MFN2: variants seen among roughly 807,000 people sequenced by gnomAD.
The protein encoded by MFN2 is mitofusin 2.
Under a neutral mutation model 87.5 loss-of-function variants are expected in MFN2, and 43 were observed. The observed-to-expected ratio is 0.49, with a 90% confidence interval of 0.38 to 0.63. The LOEUF (loss-of-function observed/expected upper bound fraction) is 0.63. MFN2 is among the 30% of genes least tolerant of loss of function. The pLI, the probability that MFN2 is intolerant of heterozygous loss-of-function variation, is 0.00. For synonymous variants in MFN2, 337 were observed against 359.9 expected (o/e 0.94, Z 0.72); for missense variants, 743 against 972.8 (o/e 0.76, Z 3.14).
chr1:11,996,845 C>T (rs1638928697), intron 5 of MFN2, among the ~76,000 whole-genome samples: 1 of 152,118 alleles, frequency 6.6e-6, no homozygotes, highest in South Asian at 2.1e-4. Context: ...CAAGACCAGC[C>T]TGGCCAACAT....
intron 4 of MFN2, among the ~76,000 whole-genome samples, chr1:11,994,612 G>GAAAA (rs1638832776): frequency 6.6e-6 from 1 of 151,976 alleles, no homozygotes; most frequent in South Asian, 2.1e-4. Context: ...TCTAATACAA[G>GAAAA]AAAAAAGGCA....
rs1639263187 is a variant in MFN2, at chr1:12,003,442, A to C, written c.1161-550A>C. Among the ~76,000 whole-genome samples the C allele has an allele frequency of 6.6e-6, 1 of 152,244 alleles. No homozygotes were observed. The highest frequency in any genetic ancestry group is 2.1e-4 in the South Asian group (1 of 4,836). ...CACTTTGGGAGGCCAAGGCGGATGG[A>C]TCACCTGAGGTCAGGAGTTCAAGAC... On this transcript the variant is annotated intron_variant, in intron 11 of 18. Transcript: ENST00000235329. This position sits in a 1 kb window ranked among gnomAD's most constrained non-coding sequence, Gnocchi z 4.1.
rs1355174892 is a variant in MFN2, at chr1:12,003,164, T to A, written c.1161-828T>A. 1.3e-5 allele frequency among the ~76,000 whole-genome samples: 2 copies of A among 151,990 alleles called. No individual in the cohort carries two copies. The highest frequency in any genetic ancestry group is 4.8e-5 in the African/African-American group (2 of 41,418). ...TTGTGCACCTTTTTAAGAGTCTTCC[T>A]GGGGTGAGTTCCTAGGGGTGTGGCA... On this transcript the variant is annotated intron_variant, in intron 11 of 18. Transcript: ENST00000235329. This position sits in a 1 kb window ranked among gnomAD's most constrained non-coding sequence, Gnocchi z 4.1.
rs917178091 is a variant in MFN2 at position 12,003,156 on chromosome 1, A to C, written c.1161-836A>C. On this transcript the variant is annotated intron_variant, in intron 11 of 18. Transcript: ENST00000235329. This position sits in a 1 kb window ranked among gnomAD's most constrained non-coding sequence, Gnocchi z 4.1. Reference sequence around the variant, plus strand: ...GTGTCCCCTTGTGCACCTTTTTAAGAGTCTTCCTGGGGTGAGTTCCTAGGG... The same window carrying C: ...GTGTCCCCTTGTGCACCTTTTTAAGCGTCTTCCTGGGGTGAGTTCCTAGGG... 2.0e-5 allele frequency among the ~76,000 whole-genome samples: 3 copies of C among 151,980 alleles called. No individual in the cohort carries two copies. The highest frequency in any genetic ancestry group is 7.3e-5 in the African/African-American group (3 of 41,358).
At position 11,984,859 on chromosome 1, in the gene MFN2, G is replaced by A. The variant is rs565132944; in HGVS notation, c.-5+2745G>A. On this transcript the variant is annotated intron_variant, in intron 2 of 18. Coordinates refer to ENST00000235329, the MANE Select transcript of MFN2 (RefSeq NM_014874.4). ...CTACACGCCTCTTCCCCCATACCTC[G>A]CCCTAAGCGTCTCCTTATCTGTATC... is the stretch of plus-strand genomic sequence containing the variant. 2.0e-5 allele frequency among the ~76,000 whole-genome samples: 3 copies of A among 152,308 alleles called. No homozygotes were observed. In the East Asian group the frequency reaches 5.8e-4, roughly 29 times the overall value.
intron 3 of MFN2, 112 bp downstream of exon 3, chr1:11,989,455 A>G: frequency 8.2e-7 from 1 of 1,221,286 alleles, no homozygotes. Context: ...ATAACCAGAT[A>G]GCCTTAGAAA....
chr1:12,004,858 C>A lies in MFN2; in HGVS notation c.1426C>A (p.Arg476=). 6.2e-7 allele frequency: 1 copy of A among 1,613,898 alleles called. No homozygotes were observed. The highest frequency in any genetic ancestry group is 8.5e-7 in the Non-Finnish European group (1 of 1,179,912). The change falls in exon 14 of 19, where the codon CGA becomes AGA. Residue 476 remains arginine (R), a synonymous_variant. Coordinates refer to ENST00000235329, the MANE Select transcript of MFN2 (RefSeq NM_014874.4). The surrounding 1 kb of genome is among the most constrained non-coding windows in gnomAD (Gnocchi z 4.2). ...CCGCCACATAGAGGAAGGACTGGGT[C>A]GAAACATGTCTGACCGCTGCTCCAC... ...LHRHIEEGLG[R]NMSDRCSTAI...
At chr1:12,010,011 G>A (rs1194317999) in intron 18 of MFN2, among the ~76,000 whole-genome samples, 4 of 152,314 alleles carry the variant, frequency 2.6e-5, no homozygotes, top group African/African-American at 4.8e-5. Context: ...AAGATTAGCT[G>A]GTCGTGGTGG....
rs34578450 is a variant in MFN2, at chr1:11,993,733, CAAAAA to C, written c.311+1056_311+1060del. Among the ~76,000 whole-genome samples, 372 of 123,510 alleles carry C rather than the reference CAAAAA, an allele frequency of 3.0e-3. 8 individuals are homozygous for C. In the East Asian group the frequency reaches 0.049, roughly 16 times the overall value. 81.0% of individuals were successfully genotyped at this position (123,510 alleles called of 152,430 possible). Reference sequence around the variant, plus strand: ...CCTGGGCGACAGTGAGACTCCATCTCAAAAAAAAAAAAAAAAATCTAAAAATAAGT... The same window carrying C: ...CCTGGGCGACAGTGAGACTCCATCTCAAAAAAAAAAAATCTAAAAATAAGT... On this transcript the variant is annotated intron_variant, in intron 4 of 18. Transcript: ENST00000235329.
intron 2 of MFN2, among the ~76,000 whole-genome samples, chr1:11,982,840 G>C (rs1022560995): frequency 6.6e-6 from 1 of 152,204 alleles, no homozygotes; most frequent in African/African-American, 2.4e-5. Context: ...GGGCAGGAGA[G>C]TACCAGAAAG....
intron 2 of MFN2, among the ~76,000 whole-genome samples, chr1:11,988,364 GA>G (rs1638517391): frequency 6.7e-6 from 1 of 150,314 alleles, no homozygotes; most frequent in Non-Finnish European, 1.5e-5. Flanking sequence ...CAGCCTCCCA[GA>G]GTGCTGGGAT....
intron 3 of MFN2, among the ~76,000 whole-genome samples, chr1:11,991,054 C>T (rs1638653509): frequency 6.6e-6 from 1 of 152,220 alleles, no homozygotes; most frequent in African/African-American, 2.4e-5. Flanking sequence ...CGTCTGTGTT[C>T]CAGCCAGCTG....
chr1:12,002,044 G>C lies in MFN2; in HGVS notation c.1101G>C (p.Gln367His), dbSNP rs373211062. ...KFEQHTVRAKQIAEAVRLIMD... is the reference protein window; with the variant it reads ...KFEQHTVRAKHIAEAVRLIMD... ...AGCAGCACACGGTCCGGGCCAAGCA[G>C]ATTGCAGAGGCGGTTCGACTCATCA... Residue 367 changes from glutamine (Q) to histidine (H), a missense_variant, in exon 11 of 19, where the codon CAG becomes CAC. Around this residue, in one of 3 missense-constraint regions of MFN2, gnomAD observed 571 missense variants for 670.7 expected, o/e 0.85. Transcript: ENST00000235329. The C allele has an allele frequency of 5.8e-5, 93 of 1,614,150 alleles. 1 individual carries two copies. In the Admixed American group the frequency reaches 9.8e-4, roughly 17 times the overall value.
intron 2 of MFN2, among the ~76,000 whole-genome samples, chr1:11,983,448 T>G (rs1638223881): frequency 6.6e-6 from 1 of 152,226 alleles, no homozygotes; most frequent in African/African-American, 2.4e-5. Flanking sequence ...TCGAGTTCTG[T>G]GGACCACGCT....
At position 12,004,022 on chromosome 1, in the gene MFN2, G is replaced by T; in HGVS notation, c.1191G>T (p.Arg397=). Residue 397 remains arginine, a synonymous_variant, in exon 12 of 19, where the codon CGG becomes CGT. Transcript: ENST00000235329. This position sits in a 1 kb window ranked among gnomAD's most constrained non-coding sequence, Gnocchi z 4.2. ...ACTGCGAGGAAATGCGTGAAGAGCG[G>T]CAAGACCGACTGAAATTTATTGACA... ...QVYCEEMREE[R]QDRLKFIDKQ... is the part of the protein sequence containing the mutation. The T allele has an allele frequency of 6.2e-7, 1 of 1,614,212 alleles. No individual in the cohort carries two copies. Among genetic ancestry groups the T allele is most frequent in the Non-Finnish European group, 8.5e-7 (1 of 1,180,038 alleles).
At chr1:11,994,828 G>A (rs1172450538) in intron 4 of MFN2, among the ~76,000 whole-genome samples, 1 of 152,190 alleles carries the variant, frequency 6.6e-6, no homozygotes, top group East Asian at 1.9e-4. Context: ...TAAGGTCATT[G>A]TAGTTCTGCT....
chr1:12,013,288 T>C lies in MFN2; in HGVS notation c.*1723T>C, dbSNP rs963992846. ...TTTGAGCTTCTTCAATACGTAAAAT[T>C]AAATTTATACCACTGAGGGAGAGAC... is the stretch of plus-strand genomic sequence containing the variant. On this transcript the variant is annotated 3_prime_UTR_variant, in exon 19 of 19. Transcript: ENST00000235329. The C allele has an allele frequency of 2.5e-5, 11 of 441,988 alleles. No homozygotes were observed. The highest frequency in any genetic ancestry group is 1.2e-4 in the African/African-American group (6 of 48,756). The allele number at this position is 441,988 out of a possible 1,614,324, so 27.4% of individuals were successfully genotyped here.
chr1:11,989,197 C>G lies in MFN2; in HGVS notation c.29C>G (p.Ser10Cys), dbSNP rs757982521. The change falls in exon 3 of 19, where the codon TCT becomes TGT. Residue 10 changes from serine to cysteine, a missense_variant. By Grantham distance (112) the Ser-to-Cys change is moderately radical. This residue lies in a region of MFN2 where 31 missense variants were observed against 23.2 expected (regional missense o/e 1.33). Transcript: ENST00000235329. MSLLFSRCN[S>C]IVTVKKNKRH... ...TCCCTGCTCTTCTCTCGATGCAACT[C>G]TATCGTCACAGTCAAGAAAAATAAG... 1.2e-6 allele frequency: 2 copies of G among 1,614,168 alleles called. No homozygotes were observed. The highest frequency in any genetic ancestry group is 2.2e-5 in the South Asian group (2 of 91,082).
chr1:11,995,917 C>T (rs148165511), intron 4 of MFN2, among the ~76,000 whole-genome samples: 396 of 152,240 alleles, frequency 2.6e-3, no homozygotes, highest in African/African-American at 8.9e-3. Context: ...GCAGACAGCA[C>T]GCAGTGAGCC....
Sources: gnomAD v4.1 joint callset for allele counts (sites outside exome capture counted in the v4.1 genomes callset) on GRCh38, gnomAD v4.1.1 for gene constraint, gnomAD v4.1.1 regional missense constraint, Gnocchi (gnomAD v3.1) non-coding constraint, MANE v1.5 for transcripts, NCBI Gene and HGNC (gene_info 2026-07-23, HGNC 2026-07-21) for gene names.